Variants in SCFD1 observed in about 807,000 individuals in gnomAD.
SCFD1 encodes the protein sec1 family domain-containing protein 1.
SCFD1 carries 37 observed loss-of-function variants against 103.2 expected under a neutral mutation model. The ratio of observed to expected loss-of-function variants is 0.36; its 90% CI spans 0.28 to 0.47. SCFD1 has a LOEUF of 0.47. Among genes scored for constraint, SCFD1 ranks in the 20% least tolerant of loss-of-function variants. The probability of loss-of-function intolerance (pLI) is 1.00; values close to 1 mark genes in which losing one functional copy is unlikely to be tolerated. For synonymous variants in SCFD1, 264 were observed against 245.0 expected, an observed-to-expected ratio of 1.08 and a Z score of -0.73; for missense variants, 639 against 761.2, an observed-to-expected ratio of 0.84 and a Z score of 1.89.
At chr14:30,702,514 C>T (rs1041018954) in intron 17 of SCFD1, 139 bp downstream of exon 17, 3 of 488,808 alleles carry the variant, frequency 6.1e-6, no homozygotes, top group African/African-American at 6.0e-5. Context: ...TAAATATTTC[C>T]TTATCTGGCC....
intron 14 of SCFD1, chr14:30,683,468 G>C: frequency 2.2e-6 from 1 of 447,978 alleles, no homozygotes; most frequent in Non-Finnish European, 4.4e-6. Context: ...TGCCCTTGCT[G>C]CCACACATTA....
intron 7 of SCFD1, among the ~76,000 whole-genome samples, chr14:30,647,899 C>T (rs1002820907): frequency 3.3e-5 from 5 of 152,186 alleles, no homozygotes; most frequent in Non-Finnish European, 7.3e-5. Context: ...GATCCGCCCG[C>T]CTCAGCCTCC....
intron 4 of SCFD1, chr14:30,634,813 C>T (rs911417127): frequency 4.4e-6 from 2 of 456,024 alleles, no homozygotes; most frequent in Non-Finnish European, 8.8e-6. Flanking sequence ...TCTATGTTCA[C>T]ATCAACAAGA....
intron 10 of SCFD1, among the ~76,000 whole-genome samples, chr14:30,668,429 C>A (rs1888219985): frequency 6.6e-6 from 1 of 152,034 alleles, no homozygotes. Context: ...AATGTTAGAC[C>A]TAAAACCATA....
At chr14:30,718,985 G>C (rs1485819242) in intron 20 of SCFD1, among the ~76,000 whole-genome samples, 4 of 152,104 alleles carry the variant, frequency 2.6e-5, no homozygotes, top group Non-Finnish European at 5.9e-5. Flanking sequence ...TTAAGAACTT[G>C]GGCATTGAAA....
chr14:30,722,720 C>G (rs1368756743), intron 23 of SCFD1, 161 bp downstream of exon 23: 10 of 409,010 alleles, frequency 2.4e-5, no homozygotes, highest in Non-Finnish European at 4.3e-5. Context: ...TTTTCCTATT[C>G]CTGTCACATT....
chr14:30,683,489 G>T, intron 14 of SCFD1: 1 of 364,370 alleles, frequency 2.7e-6, no homozygotes, highest in Non-Finnish European at 5.3e-6. Flanking sequence ...TGAGTCATGA[G>T]CTCCTGTTGT....
chr14:30,709,597 C>T (rs1038969644), intron 19 of SCFD1, among the ~76,000 whole-genome samples: 1 of 152,136 alleles, frequency 6.6e-6, no homozygotes, highest in African/African-American at 2.4e-5. Context: ...GAGCTACTAC[C>T]AAATACTAAA....
Position 30,653,597 on chromosome 14 carries a change from C to G in SCFD1, c.855+9C>G, listed in dbSNP as rs1566599742. ...TGGTGCACGATGTACTGGTAAGAGA[C>G]TAAATGCAGCACTTATTACTGAAAT... is the stretch of plus-strand genomic sequence containing the variant. On this transcript the variant is annotated intron_variant, in intron 10 of 24. Coordinates refer to ENST00000458591, the MANE Select transcript of SCFD1 (RefSeq NM_016106.4). 2.6e-6 allele frequency: 4 copies of G among 1,535,754 alleles called. No individual in the cohort carries two copies. The highest frequency in any genetic ancestry group is 3.6e-6 in the Non-Finnish European group (4 of 1,111,504).
At chr14:30,658,582 G>A (rs916680318) in intron 10 of SCFD1, among the ~76,000 whole-genome samples, 1 of 151,920 alleles carries the variant, frequency 6.6e-6, no homozygotes, top group African/African-American at 2.4e-5. Context: ...TAATAGAGAT[G>A]GGGTTTCGCC....
intron 1 of SCFD1, among the ~76,000 whole-genome samples, chr14:30,626,348 C>G (rs1883448668): frequency 6.6e-6 from 1 of 151,918 alleles, no homozygotes; most frequent in South Asian, 2.1e-4. Context: ...TAAGCGTGCC[C>G]TGAGAATGAC....
rs767963294 is a variant in SCFD1, at chr14:30,633,998, T to C, written c.273T>C (p.Phe91=). Residue 91 remains phenylalanine (F), a synonymous_variant, in exon 4 of 25, where the codon TTT becomes TTC. Coordinates refer to ENST00000458591, the MANE Select transcript of SCFD1 (RefSeq NM_016106.4). The stretch of plus-strand genomic sequence containing the variant: ...TTCCAGATGTTCCTGCAGTATACTT[T>C]GTAATGCCAACTGAAGAAAATATTG... ...DPIPDVPAVY[F]VMPTEENIDR... The C allele has an allele frequency of 1.2e-5, 20 of 1,603,406 alleles. No individual in the cohort carries two copies. Among genetic ancestry groups the C allele is most frequent in the Admixed American group, 1.0e-4 (6 of 59,416 alleles).
chr14:30,710,198 CTGTT>C (rs969192284), intron 19 of SCFD1, among the ~76,000 whole-genome samples: 15 of 151,828 alleles, frequency 9.9e-5, no homozygotes, highest in Non-Finnish European at 5.9e-5. Flanking sequence ...TCTTACATCT[CTGTT>C]TTTTTAATAT....
intron 19 of SCFD1, among the ~76,000 whole-genome samples, chr14:30,711,325 A>T (rs541934671): frequency 6.6e-6 from 1 of 152,212 alleles, no homozygotes; most frequent in Non-Finnish European, 1.5e-5. Context: ...ATGATTTTAT[A>T]TGTCGGGTGC....
chr14:30,701,886 T>C (rs1206051593), intron 16 of SCFD1, among the ~76,000 whole-genome samples: 2 of 152,154 alleles, frequency 1.3e-5, no homozygotes, highest in Non-Finnish European at 2.9e-5. Flanking sequence ...GAAAATGAGA[T>C]GAGAAACCGA....
At chr14:30,627,225 C>T (rs990115340) in intron 1 of SCFD1, among the ~76,000 whole-genome samples, 12 of 152,056 alleles carry the variant, frequency 7.9e-5, no homozygotes, top group African/African-American at 2.9e-4. Context: ...GTAACAGACC[C>T]GTAACTGTGA....
chr14:30,708,508 G>C (rs1448565225), intron 19 of SCFD1, among the ~76,000 whole-genome samples: 3 of 145,014 alleles, frequency 2.1e-5, no homozygotes, highest in East Asian at 4.1e-4. Flanking sequence ...GTAGCTCAGA[G>C]CTCTGTAATT....
chr14:30,646,781 C>T (rs2139081123), intron 7 of SCFD1, among the ~76,000 whole-genome samples: 1 of 152,182 alleles, frequency 6.6e-6, no homozygotes. Flanking sequence ...TTTTTTATTA[C>T]TGATTCAGTT....
chr14:30,678,534 C>G (rs898412638), intron 14 of SCFD1, among the ~76,000 whole-genome samples: 1 of 152,082 alleles, frequency 6.6e-6, no homozygotes, highest in South Asian at 2.1e-4. Flanking sequence ...GCAACTTTCC[C>G]ACTTGCTGGT....
Sources: allele counts gnomAD v4.1 joint callset (sites outside exome capture counted in the v4.1 genomes callset), GRCh38; gene constraint gnomAD v4.1.1; transcripts MANE v1.5; gene names NCBI Gene and HGNC (gene_info 2026-07-23, HGNC 2026-07-21).